MAST4: variants seen among roughly 807,000 people sequenced by gnomAD.
The protein encoded by MAST4 is microtubule-associated serine/threonine-protein kinase 4.
In MAST4, 89 loss-of-function variants were observed where a neutral mutation model predicts 162.7. That is an observed-to-expected ratio of 0.55 (90% CI 0.46 to 0.65). The LOEUF (loss-of-function observed/expected upper bound fraction) is 0.65, where lower values mean the gene tolerates loss of function less well. Among genes scored for constraint, MAST4 ranks in the 30% least tolerant of loss-of-function variants. The probability of loss-of-function intolerance (pLI) is 0.00; values close to 1 mark genes in which losing one functional copy is unlikely to be tolerated. For missense variants in MAST4, 3,153 were observed against 3,374.0 expected (o/e 0.93, Z 1.62); for synonymous variants, 1,479 against 1,361.1 (o/e 1.09, Z -1.91).
chr5:66,776,602 A>G (rs1754612832), intron 2 of MAST4, among the ~76,000 whole-genome samples: 1 of 152,210 alleles, frequency 6.6e-6, no homozygotes, highest in African/African-American at 2.4e-5. Flanking sequence ...GCCAAACTTA[A>G]ATATTCTTCT....
rs767639888 is a variant in MAST4 at position 67,165,531 on chromosome 5, G to C, written c.6352G>C (p.Glu2118Gln). The change falls in exon 29 of 29, where the codon GAA (glutamate) becomes CAA (glutamine). Residue 2118 changes from glutamate to glutamine, a missense_variant. Physicochemically the swap from Glu to Gln is conservative, Grantham distance 29. Around this residue, in one of 7 missense-constraint regions of MAST4, gnomAD observed 1,644 missense variants for 1,495.0 expected, o/e 1.10. Transcript: ENST00000403625. ...ATCTTTGCAGAAAGATGGTGCCAAGGAACCTGAAAGGAAGGAGCAGCCTCT... is the reference window on the plus strand; with the variant it reads ...ATCTTTGCAGAAAGATGGTGCCAAGCAACCTGAAAGGAAGGAGCAGCCTCT... The part of the protein sequence containing the change: ...FPSLQKDGAK[E>Q]PERKEQPLQR... The C allele has an allele frequency of 3.1e-6, 5 of 1,613,968 alleles. No individual in the cohort carries two copies. The East Asian group carries it at 8.9e-5, about 29-fold the overall frequency.
intron 1 of MAST4, among the ~76,000 whole-genome samples, chr5:66,666,100 G>A (rs984337602): frequency 6.6e-6 from 1 of 152,202 alleles, no homozygotes; most frequent in Admixed American, 6.5e-5. Flanking sequence ...CAGGGTTGCA[G>A]TGGTCCAGGA....
intron 3 of MAST4, among the ~76,000 whole-genome samples, chr5:66,837,050 G>GTGTGTGTGTA (rs1239384305): frequency 2.0e-5 from 3 of 151,948 alleles, no homozygotes; most frequent in Admixed American, 6.6e-5. Context: ...GTGTGTGTGT[G>GTGTGTGTGTA]TGTATGTATA....
intron 5 of MAST4, among the ~76,000 whole-genome samples, chr5:67,082,298 G>A (rs957861287): frequency 6.6e-6 from 1 of 151,988 alleles, no homozygotes; most frequent in Non-Finnish European, 1.5e-5. Context: ...ACAGGCACAC[G>A]CCACCACGCC....
chr5:66,984,446 G>A (rs1581106627), intron 4 of MAST4, among the ~76,000 whole-genome samples: 1 of 152,174 alleles, frequency 6.6e-6, no homozygotes, highest in Non-Finnish European at 1.5e-5. Context: ...TGGAAAGAAA[G>A]CACTTGATAT....
intron 4 of MAST4, among the ~76,000 whole-genome samples, chr5:66,996,708 T>C (rs2150300774): frequency 6.6e-6 from 1 of 152,308 alleles, no homozygotes; most frequent in African/African-American, 2.4e-5. Context: ...CCCAGCAGCC[T>C]AGCATCTCAT....
intron 4 of MAST4, among the ~76,000 whole-genome samples, chr5:66,940,253 G>A (rs954068264): frequency 3.9e-5 from 6 of 152,120 alleles, no homozygotes; most frequent in African/African-American, 1.2e-4. Context: ...CATCAGGGTG[G>A]TGGTTACTGA....
chr5:66,747,417 A>T (rs1416831546), intron 1 of MAST4, among the ~76,000 whole-genome samples: 1 of 152,238 alleles, frequency 6.6e-6, no homozygotes, highest in African/African-American at 2.4e-5. Flanking sequence ...ATTGGTATCT[A>T]GTACATCTTC....
chr5:66,694,074 G>A (rs1285310379), intron 1 of MAST4, among the ~76,000 whole-genome samples: 2 of 152,188 alleles, frequency 1.3e-5, no homozygotes, highest in Non-Finnish European at 2.9e-5. Flanking sequence ...TCAAATTCAC[G>A]GTGGCTGAGA....
At chr5:66,626,528 T>G (rs1744440323) in intron 1 of MAST4, among the ~76,000 whole-genome samples, 1 of 152,240 alleles carries the variant, frequency 6.6e-6, no homozygotes, top group African/African-American at 2.4e-5. Context: ...TTTAGGACAG[T>G]AATATCTGCT....
chr5:66,748,436 C>CTCCCTCCCTCCCTCA (rs1752911501), intron 1 of MAST4, among the ~76,000 whole-genome samples: 1 of 5,416 alleles, frequency 1.8e-4, no homozygotes, highest in Non-Finnish European at 3.0e-4. Flanking sequence ...TCCCTCCCTC[C>CTCCCTCCCTCCCTCA]CTCCCTCTCT....
chr5:66,845,126 T>TATACATACAC (rs1358855625), intron 3 of MAST4, among the ~76,000 whole-genome samples: 2 of 67,176 alleles, frequency 3.0e-5, no homozygotes, highest in African/African-American at 1.1e-4. Context: ...TATATATATA[T>TATACATACAC]ACACACACAC....
chr5:66,955,682 T>G (rs932215720), intron 4 of MAST4, among the ~76,000 whole-genome samples: 1 of 152,182 alleles, frequency 6.6e-6, no homozygotes, highest in Non-Finnish European at 1.5e-5. Flanking sequence ...TATGTAAATA[T>G]TTTTGTATGT....
intron 2 of MAST4, among the ~76,000 whole-genome samples, chr5:66,774,955 T>A (rs557139658): frequency 6.6e-6 from 1 of 152,008 alleles, no homozygotes; most frequent in South Asian, 2.1e-4. Flanking sequence ...GGCAAGTGTT[T>A]AGAGGCATTA....
intron 3 of MAST4, among the ~76,000 whole-genome samples, chr5:66,861,799 C>A (rs1288090579): frequency 1.3e-5 from 2 of 152,136 alleles, no homozygotes; most frequent in Non-Finnish European, 2.9e-5. Context: ...GACCTTTTAT[C>A]CATATACCCC....
At chr5:66,756,385 C>T (rs1753539333) in intron 1 of MAST4, among the ~76,000 whole-genome samples, 1 of 152,186 alleles carries the variant, frequency 6.6e-6, no homozygotes, top group Non-Finnish European at 1.5e-5. Flanking sequence ...TCTAGGAGTA[C>T]ACAGCCTGCT....
At chr5:66,837,894 A>ATATATAT (rs1554057455) in intron 3 of MAST4, among the ~76,000 whole-genome samples, 1 of 53,706 alleles carries the variant, frequency 1.9e-5, no homozygotes, top group Non-Finnish European at 3.0e-5. Context: ...ATATATATAT[A>ATATATAT]TTTTTTTTTT....
intron 4 of MAST4, among the ~76,000 whole-genome samples, chr5:66,949,237 T>C (rs1480632349): frequency 6.6e-6 from 1 of 152,114 alleles, no homozygotes; most frequent in East Asian, 1.9e-4. Flanking sequence ...CAATCACTTA[T>C]TAACTGTTGA....
At chr5:66,735,089 C>T (rs1295489379) in intron 1 of MAST4, among the ~76,000 whole-genome samples, 1 of 152,182 alleles carries the variant, frequency 6.6e-6, no homozygotes, top group African/African-American at 2.4e-5. Context: ...TTTCTGACAG[C>T]ATAAATGCAG....
Sources: gnomAD v4.1 joint callset for allele counts (sites outside exome capture counted in the v4.1 genomes callset) on GRCh38, gnomAD v4.1.1 for gene constraint, gnomAD v4.1.1 regional missense constraint, MANE v1.5 for transcripts, NCBI Gene and HGNC (gene_info 2026-07-23, HGNC 2026-07-21) for gene names.